Variants in KIAA1217 observed in about 807,000 individuals in gnomAD.
The protein encoded by KIAA1217 is sickle tail protein homolog.
Under a neutral mutation model 163.9 loss-of-function variants are expected in KIAA1217, and 88 were observed. That is an observed-to-expected ratio of 0.54 (90% CI 0.45 to 0.64). The LOEUF (loss-of-function observed/expected upper bound fraction) is 0.64, where lower values mean the gene tolerates loss of function less well. Ranked by LOEUF, KIAA1217 falls within the 30% of genes least tolerant of loss-of-function variation. The pLI, the probability that KIAA1217 is intolerant of heterozygous loss-of-function variation, is 0.00. For synonymous variants in KIAA1217, 903 were observed against 923.1 expected (o/e 0.98, Z 0.39); for missense variants, 2,372 against 2,475.0 (o/e 0.96, Z 0.88).
At chr10:24,090,916 C>G (rs1308131831) in intron 2 of KIAA1217, among the ~76,000 whole-genome samples, 1 of 151,854 alleles carries the variant, frequency 6.6e-6, no homozygotes, top group East Asian at 1.9e-4. Context: ...TAGATTATGT[C>G]TGGATTCACA....
rs560684623 is a variant in KIAA1217, at chr10:24,272,785, G to A, written c.354+52876G>A. On this transcript the variant is annotated intron_variant, in intron 2 of 20. Transcript: ENST00000376454. ...CCTGTGAAATAAATCATATTCAAGGGTTTTTTTCCCCTTATGAGTTATTCG... is the reference window on the plus strand; with the variant it reads ...CCTGTGAAATAAATCATATTCAAGGATTTTTTTCCCCTTATGAGTTATTCG... 1.1e-4 allele frequency among the ~76,000 whole-genome samples: 17 copies of A among 152,256 alleles called. No individual in the cohort carries two copies. In the South Asian group the frequency reaches 3.5e-3, roughly 32 times the overall value.
rs184151523 is a variant in KIAA1217 at position 24,112,952 on chromosome 10, G to A, written c.-171+105578G>A. Among the ~76,000 whole-genome samples the A allele has an allele frequency of 1.1e-4, 16 of 152,152 alleles. No individual in the cohort carries two copies. The East Asian group carries it at 2.9e-3, about 28-fold the overall frequency. ...CAGGAGAATGCCATGTGAAAATAGA[G>A]GAGGCAGGGATTGGAGTGAGAAACC... On this transcript the variant is annotated intron_variant, in intron 2 of 18. Transcript: ENST00000376462.
chr10:23,754,297 T>C (rs925592719), intron 1 of KIAA1217, among the ~76,000 whole-genome samples: 2 of 152,200 alleles, frequency 1.3e-5, no homozygotes, highest in African/African-American at 4.8e-5. Flanking sequence ...TTCCCAGAAC[T>C]TTAAAGACTG....
chr10:24,491,709 C>T (rs1457140732), intron 6 of KIAA1217, among the ~76,000 whole-genome samples: 1 of 152,150 alleles, frequency 6.6e-6, no homozygotes, highest in Non-Finnish European at 1.5e-5. Context: ...TTGTGGCCAG[C>T]GATGGAATCC....
chr10:24,445,181 G>A (rs1032362799), intron 5 of KIAA1217, among the ~76,000 whole-genome samples: 1 of 152,118 alleles, frequency 6.6e-6, no homozygotes, highest in African/African-American at 2.4e-5. Context: ...TGATAAAACT[G>A]AAGCCAAAGA....
chr10:24,378,823 A>C (rs1564571987), intron 2 of KIAA1217, among the ~76,000 whole-genome samples: 1 of 152,314 alleles, frequency 6.6e-6, no homozygotes, highest in East Asian at 1.9e-4. Context: ...CAACAAAAAG[A>C]GGAGTTTACA....
At chr10:23,744,636 G>C (rs953134328) in intron 1 of KIAA1217, among the ~76,000 whole-genome samples, 1 of 152,138 alleles carries the variant, frequency 6.6e-6, no homozygotes, top group Non-Finnish European at 1.5e-5. Flanking sequence ...GGTTATGCTG[G>C]GACTGGGTAA....
At chr10:23,700,391 C>T (rs1162912235) in intron 1 of KIAA1217, among the ~76,000 whole-genome samples, 1 of 152,038 alleles carries the variant, frequency 6.6e-6, no homozygotes, top group Non-Finnish European at 1.5e-5. Context: ...ATCCTTGTAC[C>T]ACCCCCAAAG....
At chr10:24,217,342 A>G (rs1473298019) in intron 1 of KIAA1217, among the ~76,000 whole-genome samples, 1 of 152,214 alleles carries the variant, frequency 6.6e-6, no homozygotes, top group Non-Finnish European at 1.5e-5. Context: ...CAATAGTTCC[A>G]TCTTCTTCTC....
chr10:24,427,534 G>C (rs921188814), intron 3 of KIAA1217, among the ~76,000 whole-genome samples: 1 of 152,178 alleles, frequency 6.6e-6, no homozygotes, highest in Non-Finnish European at 1.5e-5. Flanking sequence ...GACTTTCTGA[G>C]CTTTTATTTC....
intron 1 of KIAA1217, among the ~76,000 whole-genome samples, chr10:23,758,434 A>C: frequency 6.6e-6 from 1 of 152,158 alleles, no homozygotes; most frequent in South Asian, 2.1e-4. Context: ...CCAGCACCAC[A>C]CTGTTTCAAT....
At chr10:24,438,260 G>T in intron 4 of KIAA1217, 126 bp from the exon 5 acceptor site, 2 of 645,906 alleles carry the variant, frequency 3.1e-6, no homozygotes, top group South Asian at 2.0e-5. Context: ...CTTTTGACTG[G>T]CGTACTGTAG....
chr10:24,095,480 AC>A (rs2062119802), intron 2 of KIAA1217, among the ~76,000 whole-genome samples: 1 of 151,954 alleles, frequency 6.6e-6, no homozygotes, highest in African/African-American at 2.4e-5. Context: ...CCCACTGAAC[AC>A]ACCTTCTTCT....
chr10:23,937,028 G>A (rs989743051), intron 1 of KIAA1217, among the ~76,000 whole-genome samples: 5 of 152,076 alleles, frequency 3.3e-5, no homozygotes, highest in Admixed American at 6.5e-5. Flanking sequence ...ATAGGCACCT[G>A]CCATGATGCC....
At chr10:24,376,591 C>T (rs547052623) in intron 2 of KIAA1217, among the ~76,000 whole-genome samples, 5 of 152,158 alleles carry the variant, frequency 3.3e-5, no homozygotes, top group South Asian at 2.1e-4. Flanking sequence ...AGTGAGACCT[C>T]GTCTACTACA....
chr10:24,306,437 A>G (rs1487676624), intron 2 of KIAA1217, among the ~76,000 whole-genome samples: 1 of 152,218 alleles, frequency 6.6e-6, no homozygotes, highest in Non-Finnish European at 1.5e-5. Context: ...TACTCTTACC[A>G]GCAATAGGGG....
intron 2 of KIAA1217, among the ~76,000 whole-genome samples, chr10:24,241,539 C>T (rs1017225931): frequency 5.9e-5 from 9 of 152,022 alleles, no homozygotes; most frequent in Admixed American, 5.2e-4. Context: ...CAAGTAGAGT[C>T]GGATTTTAAT....
chr10:24,361,995 AAAAAAAAAAG>A (rs2050097630), intron 2 of KIAA1217, among the ~76,000 whole-genome samples: 1 of 151,786 alleles, frequency 6.6e-6, no homozygotes, highest in African/African-American at 2.4e-5. Flanking sequence ...AAAAAAAAAA[AAAAAAAAAAG>A]AAAGAAAGAA....
intron 2 of KIAA1217, among the ~76,000 whole-genome samples, chr10:24,103,747 GA>G (rs2062510208): frequency 6.6e-6 from 1 of 152,170 alleles, no homozygotes; most frequent in South Asian, 2.1e-4. Flanking sequence ...ACCAAATGCT[GA>G]CAAGGAAATG....
Sources: gnomAD v4.1 joint callset for allele counts (sites outside exome capture counted in the v4.1 genomes callset) on GRCh38, gnomAD v4.1.1 for gene constraint, MANE v1.5 for transcripts, NCBI Gene and HGNC (gene_info 2026-07-23, HGNC 2026-07-21) for gene names.